The following MACF1 variants were observed in gnomAD, a reference collection of about 807,000 sequenced individuals.
MACF1 encodes the protein microtubule-actin cross-linking factor 1.
A neutral mutation model predicts 854.8 loss-of-function variants in MACF1; 193 were observed. The observed-to-expected ratio is 0.23, with a 90% CI of 0.20 to 0.25. The LOEUF is 0.25. MACF1 is among the 10% of genes least tolerant of loss of function. The pLI is 1.00. For synonymous variants in MACF1, 3,185 were observed against 3,226.7 expected (o/e 0.99, Z 0.44); for missense variants, 7,722 against 8,929.1 (o/e 0.86, Z 5.45).
chr1:39,199,089 C>T (rs1180023107), intron 2 of MACF1, among the ~76,000 whole-genome samples: 1 of 151,962 alleles, frequency 6.6e-6, no homozygotes, highest in East Asian at 2.0e-4. Flanking sequence ...AGGTTCACAC[C>T]ATTCTCCTGC....
At chr1:39,421,285 C>A (rs1053042512) in intron 58 of MACF1, among the ~76,000 whole-genome samples, 1 of 152,204 alleles carries the variant, frequency 6.6e-6, no homozygotes, top group African/African-American at 2.4e-5. Context: ...TTGCTTGTTA[C>A]ACCTATTCAC....
chr1:39,462,475 C>A (rs143426227), intron 93 of MACF1, among the ~76,000 whole-genome samples: 1 of 151,374 alleles, frequency 6.6e-6, no homozygotes, highest in Non-Finnish European at 1.5e-5. Context: ...GAGGCCAACA[C>A]GGGAGGATCA....
At chr1:39,089,566 T>C (rs1312745545) in intron 2 of MACF1, among the ~76,000 whole-genome samples, 3 of 152,176 alleles carry the variant, frequency 2.0e-5, no homozygotes, top group African/African-American at 7.2e-5. Context: ...AGGAGTCCCA[T>C]CTTACCCTTT....
intron 2 of MACF1, among the ~76,000 whole-genome samples, chr1:39,095,561 C>CA (rs34021324): frequency 7.3e-3 from 404 of 55,614 alleles, no homozygotes; most frequent in Middle Eastern, 0.018. Context: ...GACTCTGTCT[C>CA]AAAAAAAAAA....
At chr1:39,355,080 G>T (rs924007322) in intron 44 of MACF1, among the ~76,000 whole-genome samples, 3 of 152,194 alleles carry the variant, frequency 2.0e-5, no homozygotes, top group Non-Finnish European at 4.4e-5. Flanking sequence ...AAAAAATATT[G>T]GCTTAGCTGG....
chr1:39,093,293 C>T (rs1478559774), intron 2 of MACF1, among the ~76,000 whole-genome samples: 1 of 150,614 alleles, frequency 6.6e-6, no homozygotes, highest in East Asian at 1.9e-4. Flanking sequence ...AAGACATTCC[C>T]CTACTCCACT....
chr1:39,275,454 T>C (rs991109057), intron 6 of MACF1, among the ~76,000 whole-genome samples: 1 of 151,946 alleles, frequency 6.6e-6, no homozygotes, highest in African/African-American at 2.4e-5. Flanking sequence ...GGTACCATCA[T>C]AGCGCACAGT....
At chr1:39,420,959 G>A (rs780849881) in intron 58 of MACF1, among the ~76,000 whole-genome samples, 6 of 148,382 alleles carry the variant, frequency 4.0e-5, no homozygotes, top group Admixed American at 1.4e-4. Context: ...TCTACCTCCC[G>A]GGTTCACTCC....
At chr1:39,212,440 G>T (rs2148278270) in intron 1 of MACF1, among the ~76,000 whole-genome samples, 1 of 152,204 alleles carries the variant, frequency 6.6e-6, no homozygotes, top group African/African-American at 2.4e-5. Flanking sequence ...GTGCCGTTAG[G>T]AGAAATAGGT....
In MACF1 at chr1:39,336,136, G is replaced by T; in HGVS notation, c.9548G>T (p.Gly3183Val). The change falls in exon 37 of 101, where the codon GGT becomes GTT. Residue 3183 changes from glycine to valine, a missense_variant. Gly to Val is a moderately radical substitution (Grantham distance 109, BLOSUM62 -3). Transcript: ENST00000564288. Reference protein sequence around the residue: ...YQEVSFDPARGLKLEEITVSR... With the variant: ...YQEVSFDPARVLKLEEITVSR... Reference sequence around the variant, plus strand: ...GAAGTATCTTTTGACCCAGCAAGAGGTCTTAAATTGGAAGAAATCACAGTT... The same window carrying T: ...GAAGTATCTTTTGACCCAGCAAGAGTTCTTAAATTGGAAGAAATCACAGTT... 1.2e-6 allele frequency: 2 copies of T among 1,614,110 alleles called. No homozygotes were observed. Among genetic ancestry groups the T allele is most frequent in the Non-Finnish European group, 1.7e-6 (2 of 1,180,020 alleles).
chr1:39,296,751 A>AAGGAAGGAAGGAAGG lies in MACF1; in HGVS notation c.2356-868_2356-867insGGAAGGAAGGAAGGA, dbSNP rs1557571195. 1.5e-3 allele frequency among the ~76,000 whole-genome samples: 144 copies of AAGGAAGGAAGGAAGG among 93,698 alleles called. 5 individuals carry two copies. Among genetic ancestry groups the AAGGAAGGAAGGAAGG allele is most frequent in the African/African-American group, 6.1e-3 (135 of 22,244 alleles). The allele number at this position is 93,698 out of a possible 152,430, so 61.5% of individuals were successfully genotyped here. A position where few individuals can be genotyped will look rare whatever the true frequency, so the allele number is the denominator to read the frequency against. On this transcript the variant is annotated intron_variant, in intron 20 of 100. Coordinates refer to ENST00000564288, the MANE Select transcript of MACF1 (RefSeq NM_001394062.1). ...AATAAAAAGAAAGAAAGAAAGAAAGAAAGGAAGGAAGGAAGGAAGGAAAAG... is the reference window on the plus strand; with the variant it reads ...AATAAAAAGAAAGAAAGAAAGAAAGAAGGAAGGAAGGAAGGAAGGAAGGAAGGAAGGAAGGAAAAG...
At chr1:39,206,442 T>C (rs1644452045) in intron 1 of MACF1, 1 of 152,216 alleles carries the variant, frequency 6.6e-6, no homozygotes, top group East Asian at 1.9e-4. Context: ...ATTATGGTAA[T>C]GTCATTTTTA....
At position 39,429,879 on chromosome 1, in the gene MACF1, C is replaced by T. The variant is rs147050519; in HGVS notation, c.16941C>T (p.Tyr5647=). The T allele has an allele frequency of 2.8e-5, 45 of 1,613,910 alleles. No individual in the cohort carries two copies. The highest frequency in any genetic ancestry group is 6.7e-5 in the African/African-American group (5 of 74,910). ...AACTAGATGGTATAAAGACTCGTTA[C>T]GCAGACATCACAGTTACTAGCTCCA... ...QEKLDGIKTR[Y]ADITVTSSKA... is the part of the protein sequence containing the mutation. Residue 5647 remains tyrosine, a synonymous_variant, in exon 65 of 101, where the codon TAC becomes TAT. Transcript: ENST00000564288.
intron 97 of MACF1, among the ~76,000 whole-genome samples, chr1:39,471,427 C>G (rs1440184453): frequency 1.3e-5 from 2 of 152,164 alleles, no homozygotes; most frequent in African/African-American, 4.8e-5. Flanking sequence ...ATACTGAGGA[C>G]AGTACAAGAT....
In MACF1 at chr1:39,297,251, C is replaced by T. The variant is rs190250618; in HGVS notation, c.2356-369C>T. Among the ~76,000 whole-genome samples the T allele has an allele frequency of 3.9e-5, 6 of 152,186 alleles. No individual in the cohort carries two copies. The East Asian group carries it at 5.8e-4, about 15-fold the overall frequency. On this transcript the variant is annotated intron_variant, in intron 20 of 100. Coordinates refer to ENST00000564288, the MANE Select transcript of MACF1 (RefSeq NM_001394062.1). ...TTTTGCCCCTAAATTAAATAGTTTCCGTGATTATTTCATAGTATGAATTGA... is the reference window on the plus strand; with the variant it reads ...TTTTGCCCCTAAATTAAATAGTTTCTGTGATTATTTCATAGTATGAATTGA...
chr1:39,394,270 GATTGATTT>G (rs1338608040), intron 58 of MACF1, among the ~76,000 whole-genome samples: 4,415 of 150,742 alleles, frequency 0.029, 235 homozygotes, highest in African/African-American at 0.099. Flanking sequence ...TTGATTGATT[GATTGATTT>G]ATTGCCACAT....
chr1:39,267,751 T>C lies in MACF1; in HGVS notation c.528+9723T>C, dbSNP rs372409185. On this transcript the variant is annotated intron_variant, in intron 6 of 100. Coordinates refer to ENST00000564288, the MANE Select transcript of MACF1 (RefSeq NM_001394062.1). ...TTCATCAGAGACCCTGTTCATCTGT[T>C]GTATTTAGAAGTGGTATTCTTTTTA... Among the ~76,000 whole-genome samples the C allele has an allele frequency of 5.9e-5, 9 of 152,230 alleles. No individual in the cohort carries two copies. In the East Asian group the frequency reaches 1.5e-3, roughly 26 times the overall value.
chr1:39,461,741 G>A (rs1490668228), intron 92 of MACF1, 142 bp from the exon 93 acceptor site: 5 of 526,962 alleles, frequency 9.5e-6, no homozygotes, highest in South Asian at 3.0e-5. Flanking sequence ...GCAGTGAGCC[G>A]AGATTGCACC....
Position 39,442,677 on chromosome 1 carries a change from T to G in MACF1, c.19105-37T>G, listed in dbSNP as rs368424834. On this transcript the variant is annotated intron_variant, in intron 77 of 100. Coordinates refer to ENST00000564288, the MANE Select transcript of MACF1 (RefSeq NM_001394062.1). ...CTTAAGAGAACCAAGTTAGATGATA[T>G]CCATAGAGATAAATTATGTTGTTCA... The G allele has an allele frequency of 6.1e-5, 99 of 1,611,610 alleles. 1 individual carries two copies. In the African/African-American group the frequency reaches 8.8e-4, roughly 14 times the overall value.
Sources: allele counts gnomAD v4.1 joint callset (sites outside exome capture counted in the v4.1 genomes callset), GRCh38; gene constraint gnomAD v4.1.1; transcripts MANE v1.5; gene names NCBI Gene and HGNC (gene_info 2026-07-23, HGNC 2026-07-21).